ACAT1: variants seen among roughly 807,000 people sequenced by gnomAD.
ACAT1 encodes acetyl-CoA acetyltransferase, mitochondrial.
ACAT1 carries 28 observed loss-of-function variants against 47.3 expected under a neutral mutation model. The ratio of observed to expected loss-of-function variants is 0.59; its 90% CI spans 0.44 to 0.81. The LOEUF is 0.81. ACAT1 is among the 30% of genes least tolerant of loss of function. ACAT1 has a pLI of 0.00. For missense variants in ACAT1, 469 were observed against 524.3 expected (o/e 0.89, Z 1.03); for synonymous variants, 181 against 173.6 (o/e 1.04, Z -0.34).
Position 108,131,924 on chromosome 11 carries a change from A to G in ACAT1, c.90A>G (p.Glu30=). ...TATTACAGGAAATAAGATATGTGGA[A>G]CGGAGTTATGTATCAAAACCCACTT... ...RRLVQEIRYV[E]RSYVSKPTLK... Residue 30 remains glutamate (E), a synonymous_variant, in exon 2 of 12, where the codon GAA becomes GAG. Coordinates refer to ENST00000265838, the MANE Select transcript of ACAT1 (RefSeq NM_000019.4). The G allele has an allele frequency of 6.7e-7, 1 of 1,483,226 alleles. No individual in the cohort carries two copies. Among genetic ancestry groups the G allele is most frequent in the Non-Finnish European group, 9.3e-7 (1 of 1,070,308 alleles). The allele number at this position is 1,483,226 out of a possible 1,614,324, so 91.9% of individuals were successfully genotyped here. A position where few individuals can be genotyped will look rare whatever the true frequency, so the allele number is the denominator to read the frequency against.
chr11:108,117,370 C>T (rs554212910), upstream of ACAT1, among the ~76,000 whole-genome samples: 23 of 151,284 alleles, frequency 1.5e-4, no homozygotes, highest in South Asian at 6.3e-4. Context: ...TACAGTGGCA[C>T]GATCTCGACT....
At chr11:108,120,776 C>T (rs1031384168), upstream of ACAT1, among the ~76,000 whole-genome samples, 4 of 151,916 alleles carry the variant, frequency 2.6e-5, no homozygotes, top group African/African-American at 9.7e-5. Flanking sequence ...AATATTTTCA[C>T]GGCTGGGTGT....
intron 4 of ACAT1, among the ~76,000 whole-genome samples, chr11:108,134,902 G>A (rs370479348): frequency 1.4e-5 from 2 of 138,464 alleles, no homozygotes; most frequent in Non-Finnish European, 3.0e-5. Context: ...CCCAGATCGC[G>A]CCACTGCACG....
intron 10 of ACAT1, chr11:108,144,362 G>A: frequency 5.5e-6 from 2 of 362,832 alleles, no homozygotes; most frequent in Non-Finnish European, 5.0e-6. Context: ...CTGGCTGATG[G>A]TTCCAGATCT....
intron 1 of ACAT1, among the ~76,000 whole-genome samples, 194 bp from the exon 2 acceptor site, chr11:108,131,709 ATAGT>A (rs1351839939): frequency 1.3e-5 from 2 of 152,094 alleles, no homozygotes; most frequent in African/African-American, 2.4e-5. Context: ...TTTCCAATGA[ATAGT>A]TAATTAGAAA....
chr11:108,121,857 G>T, intron 1 of ACAT1, 179 bp downstream of exon 1: 1 of 638,040 alleles, frequency 1.6e-6, no homozygotes, highest in East Asian at 2.8e-5. Flanking sequence ...AACACCCAGG[G>T]ACTCGCCTAT....
intron 5 of ACAT1, 121 bp from the exon 6 acceptor site, chr11:108,138,777 T>A (rs749407986): frequency 1.4e-5 from 15 of 1,108,958 alleles, no homozygotes; most frequent in Non-Finnish European, 2.1e-5. Flanking sequence ...CTGTATTCAC[T>A]GTGTAACAAA....
Position 108,135,122 on chromosome 11 carries a change from G to A in ACAT1, c.335-20G>A, listed in dbSNP as rs377006824. 1 of 1,578,300 alleles carries A rather than the reference G, an allele frequency of 6.3e-7. No homozygotes were observed. Among genetic ancestry groups the A allele is most frequent in the South Asian group, 1.1e-5 (1 of 90,182 alleles). ...GTGTTTGAGTATCGGTTTTTCAAAA[G>A]TGACTTATATTGGTTTTAGGCTTAC... On this transcript the variant is annotated intron_variant, in intron 4 of 11. Coordinates refer to ENST00000265838, the MANE Select transcript of ACAT1 (RefSeq NM_000019.4).
At chr11:108,123,002 A>T (rs1420998042) in intron 1 of ACAT1, among the ~76,000 whole-genome samples, 1 of 152,156 alleles carries the variant, frequency 6.6e-6, no homozygotes, top group Non-Finnish European at 1.5e-5. Context: ...GGGTGGGTAG[A>T]TCATTTGAGG....
chr11:108,141,542 A>C, intron 7 of ACAT1, 63 bp from the exon 8 acceptor site: 1 of 1,269,242 alleles, frequency 7.9e-7, no homozygotes. Context: ...CATCTTGTAC[A>C]ACAGTTGCTT....
At chr11:108,141,950 T>C (rs548570935) in intron 8 of ACAT1, among the ~76,000 whole-genome samples, 3 of 152,198 alleles carry the variant, frequency 2.0e-5, no homozygotes, top group East Asian at 1.9e-4. Flanking sequence ...AGGGTCTTCA[T>C]TGGCATTGAA....
chr11:108,146,870 A>G (rs2077723583), intron 11 of ACAT1, among the ~76,000 whole-genome samples: 1 of 152,230 alleles, frequency 6.6e-6, no homozygotes, highest in African/African-American at 2.4e-5. Context: ...TCACGAGGTC[A>G]AGAGATAGAG....
intron 1 of ACAT1, among the ~76,000 whole-genome samples, chr11:108,130,074 T>G (rs1387247469): frequency 6.6e-6 from 1 of 152,208 alleles, no homozygotes; most frequent in Non-Finnish European, 1.5e-5. Flanking sequence ...ATATGTTGCA[T>G]TCTTTTGCTT....
At chr11:108,127,295 C>T (rs1288585199) in intron 1 of ACAT1, among the ~76,000 whole-genome samples, 2 of 142,270 alleles carry the variant, frequency 1.4e-5, no homozygotes, top group East Asian at 4.2e-4. Flanking sequence ...GACAGAGTCT[C>T]ACTCTGTCAC....
At chr11:108,144,617 G>A (rs2077664656) in intron 10 of ACAT1, among the ~76,000 whole-genome samples, 2 of 152,004 alleles carry the variant, frequency 1.3e-5, no homozygotes, top group African/African-American at 4.8e-5. Flanking sequence ...GCCTCACCCT[G>A]ACAGTAAACT....
intron 6 of ACAT1, among the ~76,000 whole-genome samples, chr11:108,139,440 A>G (rs1192338606): frequency 6.6e-6 from 1 of 151,808 alleles, no homozygotes; most frequent in Non-Finnish European, 1.5e-5. Flanking sequence ...AAAATACAAA[A>G]AAATTAGCCA....
At chr11:108,138,133 C>T (rs544715100) in intron 5 of ACAT1, among the ~76,000 whole-genome samples, 1 of 116,520 alleles carries the variant, frequency 8.6e-6, no homozygotes, top group Admixed American at 9.2e-5. Context: ...GGACTACAGG[C>T]GTGTGCCACC....
intron 5 of ACAT1, among the ~76,000 whole-genome samples, 168 bp downstream of exon 5, chr11:108,135,410 G>T (rs1035256814): frequency 9.9e-5 from 15 of 152,118 alleles, no homozygotes; most frequent in African/African-American, 3.4e-4. Flanking sequence ...TTTGAAGTAT[G>T]GTCAAAATGA....
chr11:108,147,141 T>C, intron 11 of ACAT1, 129 bp from the exon 12 acceptor site: 9 of 1,090,194 alleles, frequency 8.3e-6, no homozygotes, highest in South Asian at 8.1e-5. Context: ...AGTTTTAGAA[T>C]AGTAGTAGTT....
Sources: allele counts gnomAD v4.1 joint callset (sites outside exome capture counted in the v4.1 genomes callset), GRCh38; gene constraint gnomAD v4.1.1; transcripts MANE v1.5; gene names NCBI Gene and HGNC (gene_info 2026-07-23, HGNC 2026-07-21).